Variants in GRAMD1B observed in about 807,000 individuals in gnomAD.
GRAMD1B encodes the protein GRAM domain containing 1B.
In GRAMD1B, 37 loss-of-function variants were observed where a neutral mutation model predicts 99.7. That is an observed-to-expected ratio of 0.37 (90% confidence interval 0.29 to 0.49). GRAMD1B has a LOEUF of 0.49. Among genes scored for constraint, GRAMD1B ranks in the 20% least tolerant of loss-of-function variants. GRAMD1B has a pLI of 0.98. For synonymous variants in GRAMD1B, 427 were observed against 387.6 expected (o/e 1.10, Z -1.19); for missense variants, 888 against 1,009.2 (o/e 0.88, Z 1.63).
At chr11:123,471,807 T>TTAA (rs1055119127) in intron 1 of GRAMD1B, among the ~76,000 whole-genome samples, 9 of 152,174 alleles carry the variant, frequency 5.9e-5, no homozygotes, top group African/African-American at 2.2e-4. Flanking sequence ...TTAAGCTTTT[T>TTAA]AAAAATACGT....
At chr11:123,496,504 C>G (rs1032459284) in intron 2 of GRAMD1B, among the ~76,000 whole-genome samples, 1 of 151,906 alleles carries the variant, frequency 6.6e-6, no homozygotes, top group African/African-American at 2.4e-5. Context: ...ATATCTTTCT[C>G]TAGGTTTGAG....
At chr11:123,538,633 T>TA (rs1555061651) in intron 2 of GRAMD1B, among the ~76,000 whole-genome samples, 3 of 151,926 alleles carry the variant, frequency 2.0e-5, no homozygotes, top group African/African-American at 7.3e-5. Context: ...TATTTTATTT[T>TA]TTTTTGAGAC....
chr11:123,609,717 T>C, intron 12 of GRAMD1B, 78 bp from the exon 13 acceptor site: 3 of 858,626 alleles, frequency 3.5e-6, no homozygotes, highest in Non-Finnish European at 5.7e-6. Context: ...GTCCAGAAGG[T>C]CACTTGGAGG....
intron 2 of GRAMD1B, among the ~76,000 whole-genome samples, chr11:123,548,349 C>CATATATATATATAT (rs142360908): frequency 4.6e-5 from 5 of 107,752 alleles, no homozygotes; most frequent in African/African-American, 2.3e-4. Flanking sequence ...CACACACACA[C>CATATATATATATAT]ATATATATAT....
At chr11:123,532,680 AG>A (rs1382459798) in intron 2 of GRAMD1B, among the ~76,000 whole-genome samples, 6 of 152,354 alleles carry the variant, frequency 3.9e-5, no homozygotes, top group Non-Finnish European at 8.8e-5. Context: ...GATTTTATAC[AG>A]TTCTTCCAAA....
intron 11 of GRAMD1B, chr11:123,608,143 T>G (rs1246716433): frequency 1.8e-5 from 4 of 221,852 alleles, no homozygotes; most frequent in Non-Finnish European, 3.5e-5. Flanking sequence ...GGAACTGTAG[T>G]TAGGGATCAC....
intron 12 of GRAMD1B, among the ~76,000 whole-genome samples, chr11:123,609,228 G>A (rs1953190596): frequency 6.6e-6 from 1 of 152,168 alleles, no homozygotes; most frequent in African/African-American, 2.4e-5. Flanking sequence ...AACTGTTAGT[G>A]CTTGCCTGAC....
At chr11:123,498,479 A>G (rs754678510) in intron 2 of GRAMD1B, among the ~76,000 whole-genome samples, 4 of 152,190 alleles carry the variant, frequency 2.6e-5, no homozygotes, top group Non-Finnish European at 5.9e-5. Context: ...TGTCTCTTTC[A>G]GTTATATGAA....
chr11:123,622,606 A>G lies in GRAMD1B; in HGVS notation c.*11A>G. On this transcript the variant is annotated 3_prime_UTR_variant, in exon 20 of 20. Coordinates refer to ENST00000635736, the MANE Select transcript of GRAMD1B (RefSeq NM_001387025.1). ...AATCGCTATCATTGACAAGGCAGGA[A>G]CAGGGTGGCTGCAAGAGGCCTGTGC... 8 of 1,482,120 alleles carry G rather than the reference A, an allele frequency of 5.4e-6. No homozygotes were observed. Among genetic ancestry groups the G allele is most frequent in the Non-Finnish European group, 6.5e-6 (7 of 1,084,948 alleles). The allele number at this position is 1,482,120 out of a possible 1,614,324, so 91.8% of individuals were successfully genotyped here.
rs764365722 is a variant in GRAMD1B, at chr11:123,577,531, G to C, written c.617G>C (p.Arg206Pro). 15 of 1,598,494 alleles carry C rather than the reference G, an allele frequency of 9.4e-6. No individual in the cohort carries two copies. Among genetic ancestry groups the C allele is most frequent in the Non-Finnish European group, 1.3e-5 (15 of 1,173,070 alleles). ...TCCACACCGGAGCAGGGCGTGCAGC[G>C]CAGCTGCTCCTCCCAGTCCGGCCGG... ...SPSTPEQGVQ[R>P]SCSSQSGRSG... The change falls in exon 3 of 20, where the codon CGC (arginine) becomes CCC (proline). Residue 206 changes from arginine to proline, a missense_variant. Arg to Pro is a moderately radical substitution (Grantham distance 103, BLOSUM62 -2). Transcript: ENST00000635736.
intron 1 of GRAMD1B, among the ~76,000 whole-genome samples, chr11:123,422,121 G>A (rs1314726893): frequency 6.6e-6 from 1 of 152,184 alleles, no homozygotes; most frequent in Admixed American, 6.5e-5. Flanking sequence ...AGGCAAAAAT[G>A]TGAGCATAGT....
In GRAMD1B at chr11:123,618,718, A is replaced by G. The variant is rs780611834; in HGVS notation, c.2344A>G (p.Met782Val). Residue 782 changes from methionine to valine, a missense_variant, in exon 18 of 20, where the codon ATG becomes GTG. Coordinates refer to ENST00000635736, the MANE Select transcript of GRAMD1B (RefSeq NM_001387025.1). ...CVLVLLVILN[M>V]MLFYKLWMLE... ...TCTGGTGCTGCTGGTCATCCTTAAC[A>G]TGATGCTCTTCTACAAACTCTGGAT... 5.0e-6 allele frequency: 8 copies of G among 1,584,472 alleles called. No individual in the cohort carries two copies. Among genetic ancestry groups the G allele is most frequent in the Non-Finnish European group, 6.0e-6 (7 of 1,163,306 alleles).
chr11:123,492,895 C>CACACACACACACACACACAT lies in GRAMD1B; in HGVS notation c.452+12002_452+12003insACACACACACACACACACAT, dbSNP rs1555043308. Reference sequence around the variant, plus strand: ...ACACACACACACACACACACACACACGCATAGGCATAGATGCCTGTGATTG... The same window carrying CACACACACACACACACACAT: ...ACACACACACACACACACACACACACACACACACACACACACACATGCATAGGCATAGATGCCTGTGATTG... On this transcript the variant is annotated intron_variant, in intron 2 of 19. Transcript: ENST00000635736. The surrounding 1 kb of genome is among the most constrained non-coding windows in gnomAD (Gnocchi z 4.2). 1.2e-4 allele frequency among the ~76,000 whole-genome samples: 18 copies of CACACACACACACACACACAT among 151,600 alleles called. No homozygotes were observed. The highest frequency in any genetic ancestry group is 2.1e-4 in the Non-Finnish European group (14 of 67,902).
intron 1 of GRAMD1B, among the ~76,000 whole-genome samples, chr11:123,462,710 C>T (rs1336249819): frequency 6.6e-6 from 1 of 152,066 alleles, no homozygotes; most frequent in Non-Finnish European, 1.5e-5. Flanking sequence ...CATCACCAAT[C>T]CCTAATCTCA....
intron 4 of GRAMD1B, among the ~76,000 whole-genome samples, chr11:123,592,576 G>A (rs957289594): frequency 1.3e-5 from 2 of 152,198 alleles, no homozygotes; most frequent in Admixed American, 1.3e-4. Flanking sequence ...AGGTGGTCAA[G>A]CTGGGGTTTT....
At chr11:123,495,838 A>G (rs1939191943) in intron 2 of GRAMD1B, among the ~76,000 whole-genome samples, 1 of 152,212 alleles carries the variant, frequency 6.6e-6, no homozygotes, top group East Asian at 1.9e-4. Context: ...ACTAACAAAC[A>G]AAAACAAATA....
At chr11:123,429,704 T>C (rs1591508559), upstream of GRAMD1B, among the ~76,000 whole-genome samples, 13 of 152,288 alleles carry the variant, frequency 8.5e-5, no homozygotes, top group South Asian at 2.7e-3. The surrounding 1 kb of genome is among the most constrained non-coding windows in gnomAD (Gnocchi z 4.0). Context: ...TCAGACCCTG[T>C]TGTCTGTCTT....
chr11:123,508,559 CTG>C (rs1940660743), intron 2 of GRAMD1B, among the ~76,000 whole-genome samples: 1 of 152,210 alleles, frequency 6.6e-6, no homozygotes, highest in Admixed American at 6.5e-5. Context: ...CCCGTGAGCA[CTG>C]TGTTGTCAGT....
intron 2 of GRAMD1B, among the ~76,000 whole-genome samples, chr11:123,546,265 C>G (rs1415230978): frequency 1.3e-5 from 2 of 152,108 alleles, no homozygotes; most frequent in Non-Finnish European, 2.9e-5. Context: ...TGGGTGTAGC[C>G]AGGAGTATGT....
Sources: gnomAD v4.1 joint callset for allele counts (sites outside exome capture counted in the v4.1 genomes callset) on GRCh38, gnomAD v4.1.1 for gene constraint, Gnocchi (gnomAD v3.1) non-coding constraint, MANE v1.5 for transcripts, NCBI Gene and HGNC (gene_info 2026-07-23, HGNC 2026-07-21) for gene names.